TMEM14B: variants seen among roughly 807,000 people sequenced by gnomAD.
TMEM14B encodes transmembrane protein 14B.
Under a neutral mutation model 14.8 loss-of-function variants are expected in TMEM14B, and 9 were observed. The ratio of observed to expected loss-of-function variants is 0.61; its 90% confidence interval spans 0.37 to 1.06. The LOEUF (loss-of-function observed/expected upper bound fraction) is 1.06. Among genes scored for constraint, TMEM14B ranks in the 50% least tolerant of loss-of-function variants. The pLI is 0.01. For synonymous variants in TMEM14B, 40 were observed against 51.3 expected, an observed-to-expected ratio of 0.78 and a Z score of 0.94; for missense variants, 128 against 143.6, an observed-to-expected ratio of 0.89 and a Z score of 0.56.
chr6:10,752,524 T>C (rs909783853), intron 4 of TMEM14B, among the ~76,000 whole-genome samples: 1 of 150,262 alleles, frequency 6.7e-6, no homozygotes, highest in Non-Finnish European at 1.5e-5. Flanking sequence ...TGGCGCGGTC[T>C]TGGCTCACTG....
In TMEM14B at chr6:10,747,819, A is replaced by G. The variant is rs114954954; in HGVS notation, c.-107A>G. On this transcript the variant is annotated 5_prime_UTR_variant, in exon 1 of 6. Coordinates refer to ENST00000379542, the MANE Select transcript of TMEM14B (RefSeq NM_030969.5). Reference sequence around the variant, plus strand: ...AGCGCGCACGCAATCGCGTTTCCGGAGAGACCTGGCTGCTGTGTCCCGCGG... The same window carrying G: ...AGCGCGCACGCAATCGCGTTTCCGGGGAGACCTGGCTGCTGTGTCCCGCGG... 1 of 152,484 alleles carries G rather than the reference A, an allele frequency of 6.6e-6. No homozygotes were observed. Among genetic ancestry groups the G allele is most frequent in the East Asian group, 1.9e-4 (1 of 5,204 alleles). The allele number at this position is 152,484 out of a possible 1,614,324, so 9.4% of individuals were successfully genotyped here.
intron 4 of TMEM14B, among the ~76,000 whole-genome samples, chr6:10,752,190 A>G (rs1291829028): frequency 6.6e-6 from 1 of 151,994 alleles, no homozygotes; most frequent in Non-Finnish European, 1.5e-5. Flanking sequence ...CCACTCAGCA[A>G]ATGACCTCAC....
chr6:10,749,553 A>G (rs934093687), intron 2 of TMEM14B, 69 bp from the exon 3 acceptor site: 6 of 1,558,108 alleles, frequency 3.9e-6, no homozygotes, highest in Non-Finnish European at 5.3e-6. Flanking sequence ...GCCCCATCCT[A>G]TGACAATATG....
In TMEM14B at chr6:10,752,452, C is replaced by CTTT. The variant is rs60849022; in HGVS notation, c.202+1238_202+1240dup. Among the ~76,000 whole-genome samples the CTTT allele has an allele frequency of 2.7e-3, 300 of 112,488 alleles. 2 individuals are homozygous for CTTT. The highest frequency in any genetic ancestry group is 9.7e-3 in the East Asian group (34 of 3,508). 73.8% of individuals were successfully genotyped at this position (112,488 alleles called of 152,430 possible). ...TGTCTCCTTCCCCTTCATAAACTACCTTTTTTTTTTTTTTTTTTTTTTGAG... is the reference window on the plus strand; with the variant it reads ...TGTCTCCTTCCCCTTCATAAACTACCTTTTTTTTTTTTTTTTTTTTTTTTTGAG... On this transcript the variant is annotated intron_variant, in intron 4 of 5. Transcript: ENST00000379542.
Position 10,756,545 on chromosome 6 carries a change from A to G in TMEM14B, c.*27A>G. The G allele has an allele frequency of 6.2e-7, 1 of 1,606,734 alleles. No individual in the cohort carries two copies. The highest frequency in any genetic ancestry group is 8.5e-7 in the Non-Finnish European group (1 of 1,177,558). ...AGAAGTCATGTTCCAGCTTGGACTC[A>G]TGAAGGATTAAAAATCTGCATCTTC... On this transcript the variant is annotated 3_prime_UTR_variant, in exon 6 of 6. Coordinates refer to ENST00000379542, the MANE Select transcript of TMEM14B (RefSeq NM_030969.5).
In TMEM14B at chr6:10,756,280, G is replaced by A. The variant is rs940271428; in HGVS notation, c.294-187G>A. ...ATGTGTGCTATTTTAAGACCTCAGT[G>A]AAACTGTCCCTTGGCTTGCTTTTTC... On this transcript the variant is annotated intron_variant, in intron 5 of 5. Transcript: ENST00000379542. Among the ~76,000 whole-genome samples, 3 of 152,146 alleles carry A rather than the reference G, an allele frequency of 2.0e-5. No homozygotes were observed. The East Asian group carries it at 5.8e-4, about 29-fold the overall frequency.
chr6:10,751,817 G>T (rs1484970643), intron 4 of TMEM14B, among the ~76,000 whole-genome samples: 1 of 152,090 alleles, frequency 6.6e-6, no homozygotes. Context: ...ATAGAAGCAG[G>T]ACTGGAAAGG....
At chr6:10,751,348 T>TCA in intron 4 of TMEM14B, 114 bp downstream of exon 4, 1 of 1,168,084 alleles carries the variant, frequency 8.6e-7, no homozygotes, top group Non-Finnish European at 1.2e-6. Context: ...TACGACAGTT[T>TCA]CACTGCTTCT....
chr6:10,756,463 A>T lies in TMEM14B; in HGVS notation c.294-4A>T, dbSNP rs763146934. 9 of 1,593,676 alleles carry T rather than the reference A, an allele frequency of 5.6e-6. No homozygotes were observed. The highest frequency in any genetic ancestry group is 7.7e-6 in the Non-Finnish European group (9 of 1,163,214). On this transcript the variant is annotated splice_polypyrimidine_tract_variant and splice_region_variant and intron_variant, in intron 5 of 5. Coordinates refer to ENST00000379542, the MANE Select transcript of TMEM14B (RefSeq NM_030969.5). ...ATGTTTTCTATCTTACTTGTTTTAA[A>T]CAGTTTGCTGATGGCCGCCAAAGTT...
At chr6:10,749,352 A>G (rs1415052330) in intron 2 of TMEM14B, 84 bp downstream of exon 2, 5 of 1,547,908 alleles carry the variant, frequency 3.2e-6, no homozygotes, top group Admixed American at 1.7e-5. Context: ...GAACCCTAAG[A>G]GTAGACTGCC....
At position 10,753,420 on chromosome 6, in the gene TMEM14B, C is replaced by T. The variant is rs548049897; in HGVS notation, c.203-1722C>T. Among the ~76,000 whole-genome samples, 7 of 152,144 alleles carry T rather than the reference C, an allele frequency of 4.6e-5. 1 individual carries two copies. The highest frequency in any genetic ancestry group is 2.1e-4 in the South Asian group (1 of 4,828). On this transcript the variant is annotated intron_variant, in intron 4 of 5. Coordinates refer to ENST00000379542, the MANE Select transcript of TMEM14B (RefSeq NM_030969.5). Reference sequence around the variant, plus strand: ...CTTGGCCATTTAGCAGTTCTCAGCACGGTTGACCAATCATTTTCCATTCTC... The same window carrying T: ...CTTGGCCATTTAGCAGTTCTCAGCATGGTTGACCAATCATTTTCCATTCTC...
Position 10,749,482 on chromosome 6 carries a change from G to A in TMEM14B, c.24-140G>A, listed in dbSNP as rs534951872. 6.9e-6 allele frequency: 8 copies of A among 1,162,866 alleles called. No individual in the cohort carries two copies. The Admixed American group carries it at 1.4e-4, about 21-fold the overall frequency. 72.0% of individuals were successfully genotyped at this position (1,162,866 alleles called of 1,614,324 possible). A position where few individuals can be genotyped will look rare whatever the true frequency, so the allele number is the denominator to read the frequency against. ...CAGAAAGTCATCCAACCTCTGTGGT[G>A]CTTATTTTCAGTGATAGTACCTGTG... On this transcript the variant is annotated intron_variant, in intron 2 of 5. Transcript: ENST00000379542.
chr6:10,750,151 C>A (rs79970925), intron 3 of TMEM14B: 3,025 of 172,562 alleles, frequency 0.018, 90 homozygotes, highest in African/African-American at 0.061. Context: ...CTGCACCAGA[C>A]TTCTTATTCT....
intron 3 of TMEM14B, among the ~76,000 whole-genome samples, chr6:10,750,216 G>A (rs1771495067): frequency 6.6e-6 from 1 of 151,504 alleles, no homozygotes; most frequent in Non-Finnish European, 1.5e-5. Context: ...CTGCTTTTGT[G>A]ATTTGCTGGA....
intron 4 of TMEM14B, among the ~76,000 whole-genome samples, chr6:10,751,706 G>C (rs1771577908): frequency 6.6e-6 from 1 of 152,044 alleles, no homozygotes; most frequent in Non-Finnish European, 1.5e-5. Context: ...TTTCACATTT[G>C]AAAATCACCT....
intron 3 of TMEM14B, among the ~76,000 whole-genome samples, 188 bp from the exon 4 acceptor site, chr6:10,750,945 G>A (rs1771528328): frequency 1.3e-5 from 2 of 152,004 alleles, no homozygotes; most frequent in South Asian, 2.1e-4. Flanking sequence ...AAAATGGGGT[G>A]GGAAGACCCT....
chr6:10,756,019 A>T (rs1314735042), intron 5 of TMEM14B, among the ~76,000 whole-genome samples: 2 of 152,136 alleles, frequency 1.3e-5, no homozygotes, highest in South Asian at 4.1e-4. Flanking sequence ...GGGAATTTTT[A>T]AAATCCTGTT....
intron 4 of TMEM14B, among the ~76,000 whole-genome samples, chr6:10,753,628 C>G (rs76413128): frequency 1.3e-5 from 2 of 152,076 alleles, no homozygotes; most frequent in African/African-American, 4.8e-5. Flanking sequence ...GCTGGACTCT[C>G]ATGTATTCAT....
chr6:10,751,250 C>T lies in TMEM14B; in HGVS notation c.202+16C>T, dbSNP rs566539453. ...GGTTTCCTAGGTATGTCTGCTTCAGCGTCTCCTTAGGGCAATCATGTATCT... is the reference window on the plus strand; with the variant it reads ...GGTTTCCTAGGTATGTCTGCTTCAGTGTCTCCTTAGGGCAATCATGTATCT... On this transcript the variant is annotated intron_variant, in intron 4 of 5. Coordinates refer to ENST00000379542, the MANE Select transcript of TMEM14B (RefSeq NM_030969.5). The T allele has an allele frequency of 1.1e-5, 18 of 1,613,088 alleles. No homozygotes were observed. The highest frequency in any genetic ancestry group is 8.8e-5 in the South Asian group (8 of 91,072).
Sources: allele counts gnomAD v4.1 joint callset (sites outside exome capture counted in the v4.1 genomes callset), GRCh38; gene constraint gnomAD v4.1.1; transcripts MANE v1.5; gene names NCBI Gene and HGNC (gene_info 2026-07-23, HGNC 2026-07-21).